TRDN: variants seen among roughly 807,000 people sequenced by gnomAD.
TRDN encodes the protein triadin in skeletal muscle.
TRDN carries 161 observed loss-of-function variants against 149.7 expected under a neutral mutation model. That is an observed-to-expected ratio of 1.08 (90% confidence interval 0.95 to 1.23). The LOEUF (loss-of-function observed/expected upper bound fraction) is 1.23. Ranked by LOEUF, TRDN falls within the 50% of genes most tolerant of loss-of-function variation. The pLI is 0.00. For missense variants in TRDN, 896 were observed against 823.5 expected (o/e 1.09, Z -1.08); for synonymous variants, 294 against 250.5 (o/e 1.17, Z -1.64).
intron 1 of TRDN, among the ~76,000 whole-genome samples, chr6:123,588,542 A>C (rs1783622930): frequency 6.6e-6 from 1 of 152,200 alleles, no homozygotes; most frequent in African/African-American, 2.4e-5. Flanking sequence ...TTTACTTTAC[A>C]AAATGAATAA....
chr6:123,259,029 T>C (rs1776659668), intron 35 of TRDN, among the ~76,000 whole-genome samples: 1 of 152,172 alleles, frequency 6.6e-6, no homozygotes, highest in Non-Finnish European at 1.5e-5. Context: ...CTTCTCTCTT[T>C]TCTTCTTTAT....
intron 1 of TRDN, among the ~76,000 whole-genome samples, chr6:123,592,787 T>C (rs1380408701): frequency 6.6e-6 from 1 of 152,200 alleles, no homozygotes; most frequent in Non-Finnish European, 1.5e-5. Flanking sequence ...TGGAACCTAC[T>C]AAGCAGCCTC....
intron 4 of TRDN, among the ~76,000 whole-genome samples, chr6:123,531,481 C>A (rs9482403): frequency 0.85 from 129,111 of 151,896 alleles, 54,991 homozygotes; most frequent in East Asian, 0.98. Flanking sequence ...TCAACCATGG[C>A]AACACCCTAA....
intron 5 of TRDN, among the ~76,000 whole-genome samples, chr6:123,519,956 T>A (rs1231612754): frequency 6.6e-6 from 1 of 152,096 alleles, no homozygotes; most frequent in Non-Finnish European, 1.5e-5. Flanking sequence ...AATTCATATA[T>A]ATCTATATTT....
At chr6:123,486,347 T>G (rs1777969305) in intron 9 of TRDN, among the ~76,000 whole-genome samples, 2 of 151,870 alleles carry the variant, frequency 1.3e-5, no homozygotes, top group Non-Finnish European at 2.9e-5. Context: ...ATCTCCTCTG[T>G]GTAAAGATGC....
At chr6:123,428,518 A>G (rs907590975) in intron 12 of TRDN, among the ~76,000 whole-genome samples, 1 of 152,212 alleles carries the variant, frequency 6.6e-6, no homozygotes, top group Non-Finnish European at 1.5e-5. Context: ...ACTCAAAGCC[A>G]GTTTACTCCA....
intron 16 of TRDN, among the ~76,000 whole-genome samples, chr6:123,378,217 C>A (rs186173495): frequency 1.3e-5 from 2 of 151,934 alleles, no homozygotes; most frequent in East Asian, 3.9e-4. Context: ...TATATTAGAT[C>A]AATATGAAAT....
intron 10 of TRDN, among the ~76,000 whole-genome samples, chr6:123,441,639 C>T (rs1774895169): frequency 6.6e-6 from 1 of 152,110 alleles, no homozygotes; most frequent in African/African-American, 2.4e-5. Flanking sequence ...AAAAATTAAA[C>T]GACTTACTTC....
At chr6:123,566,343 C>T (rs979703808) in intron 2 of TRDN, among the ~76,000 whole-genome samples, 1 of 152,122 alleles carries the variant, frequency 6.6e-6, no homozygotes, top group Non-Finnish European at 1.5e-5. Context: ...GAATAACGAA[C>T]CCAAATCATC....
At chr6:123,460,749 A>G (rs1336824602) in intron 10 of TRDN, among the ~76,000 whole-genome samples, 2 of 152,094 alleles carry the variant, frequency 1.3e-5, no homozygotes, top group Non-Finnish European at 2.9e-5. Context: ...CCTGTAGAAT[A>G]TTGTCTTCAG....
intron 1 of TRDN, among the ~76,000 whole-genome samples, chr6:123,601,304 AT>A (rs1283179648): frequency 6.6e-6 from 1 of 152,126 alleles, no homozygotes; most frequent in East Asian, 1.9e-4. Context: ...TCAACTTTCT[AT>A]GAACAGCATA....
chr6:123,334,479 C>T (rs537829626), intron 22 of TRDN, among the ~76,000 whole-genome samples: 1 of 152,084 alleles, frequency 6.6e-6, no homozygotes, highest in African/African-American at 2.4e-5. Context: ...ATATGTCAGA[C>T]CAGGAGTTAG....
intron 2 of TRDN, among the ~76,000 whole-genome samples, chr6:123,559,883 C>T (rs1266866138): frequency 6.6e-6 from 1 of 152,194 alleles, no homozygotes; most frequent in Non-Finnish European, 1.5e-5. Context: ...CTCAAACATG[C>T]TTTCTTTACT....
intron 9 of TRDN, among the ~76,000 whole-genome samples, chr6:123,483,887 T>C (rs188840480): frequency 6.6e-6 from 1 of 152,274 alleles, no homozygotes; most frequent in Admixed American, 6.5e-5. Context: ...CTTTCAATTG[T>C]GGAACAATTA....
Position 123,273,593 on chromosome 6 carries a change from C to T in TRDN, c.1598-230G>A, listed in dbSNP as rs1436952492. Among the ~76,000 whole-genome samples, 6 of 151,950 alleles carry T rather than the reference C, an allele frequency of 3.9e-5. No individual in the cohort carries two copies. The East Asian group carries it at 7.7e-4, about 20-fold the overall frequency. ...AATCAGGAAAATAAATAATAAAATA[C>T]TAATAAATCATAATAATATTTGTAA... On this transcript the variant is annotated intron_variant, in intron 27 of 40. Coordinates refer to ENST00000334268, the MANE Select transcript of TRDN (RefSeq NM_006073.4).
At position 123,337,599 on chromosome 6, in the gene TRDN, T is replaced by C. The variant is rs1274691409; in HGVS notation, c.1420+20A>G. ...ATTTCCTAATAAATTTGTAATATTA[T>C]ATTAAATTAACTCTGTTACCTTTAT... On this transcript the variant is annotated intron_variant, in intron 22 of 40. Coordinates refer to ENST00000334268, the MANE Select transcript of TRDN (RefSeq NM_006073.4). 39 of 1,187,954 alleles carry C rather than the reference T, an allele frequency of 3.3e-5. No homozygotes were observed. Among genetic ancestry groups the C allele is most frequent in the Non-Finnish European group, 4.3e-5 (37 of 867,218 alleles). 73.6% of individuals were successfully genotyped at this position (1,187,954 alleles called of 1,614,324 possible).
chr6:123,446,383 T>A (rs375852996), intron 10 of TRDN, among the ~76,000 whole-genome samples: 1 of 151,432 alleles, frequency 6.6e-6, no homozygotes, highest in Admixed American at 6.6e-5. Context: ...ACTTAAAGTA[T>A]AATAATAAAA....
At position 123,627,757 on chromosome 6, in the gene TRDN, CA is replaced by C. The variant is rs1785755068; in HGVS notation, c.22+8996del. Among the ~76,000 whole-genome samples, 4 of 152,316 alleles carry C rather than the reference CA, an allele frequency of 2.6e-5. No individual in the cohort carries two copies. In the South Asian group the frequency reaches 8.3e-4, roughly 32 times the overall value. ...TGTTGTTTAGCGTAGCCACCTTCAT[CA>C]ATGATCTTAGCTAGATCTTCTGGAT... On this transcript the variant is annotated intron_variant, in intron 1 of 40. Coordinates refer to ENST00000334268, the MANE Select transcript of TRDN (RefSeq NM_006073.4).
At chr6:123,269,983 C>T in intron 30 of TRDN, 117 bp from the exon 31 acceptor site, 2 of 907,886 alleles carry the variant, frequency 2.2e-6, no homozygotes, top group Non-Finnish European at 3.2e-6. Flanking sequence ...TTAGCTTAAA[C>T]TTAACCTGTT....
Sources: allele counts gnomAD v4.1 joint callset (sites outside exome capture counted in the v4.1 genomes callset), GRCh38; gene constraint gnomAD v4.1.1; transcripts MANE v1.5; gene names NCBI Gene and HGNC (gene_info 2026-07-23, HGNC 2026-07-21).